The following GPC5 variants were observed in gnomAD, a reference collection of about 807,000 sequenced individuals.
GPC5 encodes the protein glypican 5.
A neutral mutation model predicts 53.9 loss-of-function variants in GPC5; 47 were observed. That is an observed-to-expected ratio of 0.87 (90% confidence interval 0.69 to 1.11). GPC5 has a LOEUF of 1.11. Ranked by LOEUF, GPC5 falls within the 50% of genes most tolerant of loss-of-function variation. The probability of loss-of-function intolerance (pLI) is 0.00; values close to 1 mark genes in which losing one functional copy is unlikely to be tolerated. For synonymous variants in GPC5, 286 were observed against 263.3 expected (o/e 1.09, Z -0.84); for missense variants, 748 against 713.1 (o/e 1.05, Z -0.56).
At chr13:92,535,705 T>C (rs1490150722) in intron 7 of GPC5, among the ~76,000 whole-genome samples, 2 of 152,084 alleles carry the variant, frequency 1.3e-5, no homozygotes, top group African/African-American at 4.8e-5. Flanking sequence ...ACTATTGGGT[T>C]GCTTTCATAT....
chr13:92,232,532 T>A (rs2042538439), intron 7 of GPC5, among the ~76,000 whole-genome samples: 1 of 152,220 alleles, frequency 6.6e-6, no homozygotes, highest in Non-Finnish European at 1.5e-5. Flanking sequence ...CACTTACTAA[T>A]GGATATGTAT....
At position 92,021,745 on chromosome 13, in the gene GPC5, A is replaced by G. The variant is rs188243830; in HGVS notation, c.1401+113688A>G. On this transcript the variant is annotated intron_variant, in intron 6 of 7. Coordinates refer to ENST00000377067, the MANE Select transcript of GPC5 (RefSeq NM_004466.6). Reference sequence around the variant, plus strand: ...TTATCCATTTATCTATCTGGGTTTTAATATTTATAGTATAGTTTGTATAAA... The same window carrying G: ...TTATCCATTTATCTATCTGGGTTTTGATATTTATAGTATAGTTTGTATAAA... 9.7e-4 allele frequency among the ~76,000 whole-genome samples: 148 copies of G among 152,332 alleles called. 2 individuals are homozygous for G. Among genetic ancestry groups the G allele is most frequent in the African/African-American group, 3.2e-3 (131 of 41,584 alleles).
At chr13:92,379,739 T>A (rs1386975920) in intron 7 of GPC5, among the ~76,000 whole-genome samples, 1 of 152,190 alleles carries the variant, frequency 6.6e-6, no homozygotes. Context: ...TTCCTCTCTG[T>A]GCCCACTGCA....
rs56060373 is a variant in GPC5 at position 91,675,962 on chromosome 13, A to G, written c.326-17225A>G. On this transcript the variant is annotated intron_variant, in intron 2 of 7. Coordinates refer to ENST00000377067, the MANE Select transcript of GPC5 (RefSeq NM_004466.6). ...GTCAGGGTCAGGTTTTCTAATATGT[A>G]CTAAAAATGCAGATTTCTGGACTTA... Among the ~76,000 whole-genome samples the G allele has an allele frequency of 7.3e-3, 1,116 of 152,334 alleles. 16 individuals are homozygous for G. Among genetic ancestry groups the G allele is most frequent in the African/African-American group, 0.026 (1,085 of 41,574 alleles).
intron 6 of GPC5, among the ~76,000 whole-genome samples, chr13:91,964,084 C>A (rs1022578527): frequency 1.3e-5 from 2 of 152,032 alleles, no homozygotes; most frequent in African/African-American, 4.8e-5. Flanking sequence ...GATGGTGTGT[C>A]CAGAGTTTTT....
At chr13:92,163,039 AG>A (rs1555315630) in intron 7 of GPC5, among the ~76,000 whole-genome samples, 4 of 152,188 alleles carry the variant, frequency 2.6e-5, no homozygotes, top group Non-Finnish European at 1.5e-5. Flanking sequence ...GCATGAAAAA[AG>A]ATGCTCAGAA....
At chr13:92,728,932 G>A (rs1228430337) in intron 7 of GPC5, among the ~76,000 whole-genome samples, 1 of 151,196 alleles carries the variant, frequency 6.6e-6, no homozygotes, top group Non-Finnish European at 1.5e-5. Context: ...AGCAGTACTA[G>A]GGCAAAGAGT....
chr13:92,134,673 C>A (rs543437194), intron 6 of GPC5, among the ~76,000 whole-genome samples: 1 of 152,102 alleles, frequency 6.6e-6, no homozygotes, highest in Non-Finnish European at 1.5e-5. Flanking sequence ...GGGTCAGTTA[C>A]AAGTTCTTAT....
At position 91,797,396 on chromosome 13, in the gene GPC5, A is replaced by G. The variant is rs1366656212; in HGVS notation, c.1280+40976A>G. Among the ~76,000 whole-genome samples the G allele has an allele frequency of 5.3e-5, 8 of 152,168 alleles. No homozygotes were observed. In the East Asian group the frequency reaches 9.6e-4, roughly 18 times the overall value. On this transcript the variant is annotated intron_variant, in intron 5 of 7. Coordinates refer to ENST00000377067, the MANE Select transcript of GPC5 (RefSeq NM_004466.6). ...TTCAAAGAAAAAAATTTTAAAAATTAATATAGAGAACACACCTCCCTCCCT... is the reference window on the plus strand; with the variant it reads ...TTCAAAGAAAAAAATTTTAAAAATTGATATAGAGAACACACCTCCCTCCCT...
chr13:92,692,953 T>C (rs1224906853), intron 7 of GPC5, among the ~76,000 whole-genome samples: 1 of 151,756 alleles, frequency 6.6e-6, no homozygotes, highest in African/African-American at 2.4e-5. Flanking sequence ...TGGGAGGTGA[T>C]TAAATCATGG....
intron 1 of GPC5, among the ~76,000 whole-genome samples, chr13:91,446,895 T>G (rs1355572452): frequency 6.6e-6 from 1 of 152,178 alleles, no homozygotes; most frequent in Non-Finnish European, 1.5e-5. Context: ...CATGCGCGCA[T>G]GAGAACAGGT....
chr13:92,038,626 T>C (rs1288068003), intron 6 of GPC5, among the ~76,000 whole-genome samples: 2 of 151,230 alleles, frequency 1.3e-5, no homozygotes, highest in Non-Finnish European at 2.9e-5. Context: ...AAATGCCTGA[T>C]GAATATTTCT....
chr13:91,618,616 C>T (rs1214866297), intron 2 of GPC5, among the ~76,000 whole-genome samples: 2 of 151,846 alleles, frequency 1.3e-5, no homozygotes, highest in East Asian at 3.9e-4. Flanking sequence ...GCCTTTAGAC[C>T]AGTGGCAAGA....
At chr13:92,757,406 A>G (rs2139334461) in intron 7 of GPC5, among the ~76,000 whole-genome samples, 1 of 152,366 alleles carries the variant, frequency 6.6e-6, no homozygotes, top group African/African-American at 2.4e-5. Flanking sequence ...AATACCATTC[A>G]GGACATAGGC....
chr13:92,438,184 A>C (rs1482564380), intron 7 of GPC5, among the ~76,000 whole-genome samples: 1 of 151,878 alleles, frequency 6.6e-6, no homozygotes, highest in Admixed American at 6.6e-5. Context: ...TCTACTTTTC[A>C]TACAATAAAA....
chr13:91,504,655 G>A (rs901151429), intron 2 of GPC5, among the ~76,000 whole-genome samples: 6 of 152,096 alleles, frequency 3.9e-5, no homozygotes, highest in South Asian at 2.1e-4. Flanking sequence ...TGAAAACACC[G>A]TGTGGTGTGA....
intron 7 of GPC5, among the ~76,000 whole-genome samples, chr13:92,567,047 T>C (rs1233104340): frequency 6.6e-6 from 1 of 152,104 alleles, no homozygotes; most frequent in Non-Finnish European, 1.5e-5. Context: ...ACAGCTGGCA[T>C]AGAAGTTGAT....
chr13:92,381,889 T>TCATATATATCATATATAAGA (rs753025655), intron 7 of GPC5, among the ~76,000 whole-genome samples: 1 of 122,178 alleles, frequency 8.2e-6, no homozygotes, highest in Non-Finnish European at 1.7e-5. Context: ...ATTATATATA[T>TCATATATATCATATATAAGA]TATATATAAT....
intron 2 of GPC5, among the ~76,000 whole-genome samples, chr13:91,564,644 T>C (rs2031443137): frequency 6.6e-6 from 1 of 152,160 alleles, no homozygotes; most frequent in Admixed American, 6.6e-5. Flanking sequence ...TGTTTTCTAA[T>C]CTCTGTCATC....
Sources: gnomAD v4.1 joint callset for allele counts (sites outside exome capture counted in the v4.1 genomes callset) on GRCh38, gnomAD v4.1.1 for gene constraint, MANE v1.5 for transcripts, NCBI Gene and HGNC (gene_info 2026-07-23, HGNC 2026-07-21) for gene names.